Variants in TRPV1 observed in about 807,000 individuals in gnomAD.
TRPV1 encodes transient receptor potential cation channel subfamily V member 1.
A neutral mutation model predicts 82.3 loss-of-function variants in TRPV1; 82 were observed. The ratio of observed to expected loss-of-function variants is 1.00; its 90% confidence interval spans 0.83 to 1.20. TRPV1 has a LOEUF of 1.20. Ranked by LOEUF, TRPV1 falls within the 50% of genes most tolerant of loss-of-function variation. The pLI, the probability that TRPV1 is intolerant of heterozygous loss-of-function variation, is 0.00. For missense variants in TRPV1, 1,067 were observed against 1,096.8 expected (o/e 0.97, Z 0.38); for synonymous variants, 515 against 467.7 (o/e 1.10, Z -1.30).
At chr17:3,581,155 T>A (rs932265415) in intron 10 of TRPV1, among the ~76,000 whole-genome samples, 4 of 83,496 alleles carry the variant, frequency 4.8e-5, no homozygotes, top group Non-Finnish European at 9.6e-5. Context: ...TTTTTCCTAA[T>A]TTTTTTTTAA....
At position 3,576,668 on chromosome 17, in the gene TRPV1, AATAT is replaced by A. The variant is rs1555549458; in HGVS notation, c.1780+454_1780+457del. On this transcript the variant is annotated intron_variant, in intron 13 of 16. Transcript: ENST00000572705. ...CTCTGTATGAGAAAAAAAAAAAAAA[AATAT>A]ATATATATATATATATATGCATAAA... Among the ~76,000 whole-genome samples, 85 of 38,426 alleles carry A rather than the reference AATAT, an allele frequency of 2.2e-3. 6 individuals carry two copies. The East Asian group carries it at 0.11, about 49-fold the overall frequency. The allele number at this position is 38,426 out of a possible 152,430, so 25.2% of individuals were successfully genotyped here.
At chr17:3,586,493 C>T (rs538247815) in intron 8 of TRPV1, among the ~76,000 whole-genome samples, 23 of 152,190 alleles carry the variant, frequency 1.5e-4, no homozygotes, top group Non-Finnish European at 3.1e-4. Context: ...TCAAATAGGC[C>T]GGGTGTAGTG....
rs1350903385 is a variant in TRPV1 at position 3,579,416 on chromosome 17, T to A, written c.1547+1041A>T. On this transcript the variant is annotated intron_variant, in intron 11 of 16. Transcript: ENST00000572705. ...GTCCTGGAAGGCCCTCGGTGCACAC[T>A]GGGGCTTGAGGCTCTGGCTTACTTT... Among the ~76,000 whole-genome samples the A allele has an allele frequency of 9.9e-5, 15 of 152,072 alleles. No individual in the cohort carries two copies. In the East Asian group the frequency reaches 2.9e-3, roughly 29 times the overall value.
Position 3,576,690 on chromosome 17 carries a change from T to TATATATATATATATGC in TRPV1, c.1780+435_1780+436insGCATATATATATATAT, listed in dbSNP as rs71153375. 2.9e-5 allele frequency among the ~76,000 whole-genome samples: 3 copies of TATATATATATATATGC among 101,958 alleles called. 1 individual carries two copies. The highest frequency in any genetic ancestry group is 1.0e-4 in the African/African-American group (3 of 29,196). The allele number at this position is 101,958 out of a possible 152,430, so 66.9% of individuals were successfully genotyped here. On this transcript the variant is annotated intron_variant, in intron 13 of 16. Transcript: ENST00000572705. Reference sequence around the variant, plus strand: ...AAAAATATATATATATATATATATATGCATAAAAACTAGCCGGGCATGGTC... The same window carrying TATATATATATATATGC: ...AAAAATATATATATATATATATATATATATATATATATATGCGCATAAAAACTAGCCGGGCATGGTC...
chr17:3,584,656 C>T (rs2075062426), intron 9 of TRPV1, among the ~76,000 whole-genome samples: 1 of 151,872 alleles, frequency 6.6e-6, no homozygotes, highest in Non-Finnish European at 1.5e-5. Flanking sequence ...ATAAGCTTGG[C>T]ATGTTGGTGG....
rs1291839468 is a variant in TRPV1, at chr17:3,588,347, C to A, written c.1065G>T (p.Gln355His). ...TGCACTCGGGCTCCTGGATCTCCCG[C>A]TGGAGAATATAGGCCAAGACCTGCC... ...GKIGVLAYIL[Q>H]REIQEPECRH... Residue 355 changes from glutamine (Q) to histidine (H), a missense_variant, in exon 8 of 17, where the codon CAG becomes CAT. Gln to His is a conservative substitution (Grantham distance 24). Coordinates refer to ENST00000572705, the MANE Select transcript of TRPV1 (RefSeq NM_080704.4). The A allele has an allele frequency of 6.4e-7, 1 of 1,560,388 alleles. No homozygotes were observed. The highest frequency in any genetic ancestry group is 1.9e-5 in the Admixed American group (1 of 52,194).
intron 10 of TRPV1, among the ~76,000 whole-genome samples, chr17:3,582,933 C>T (rs985376662): frequency 2.2e-5 from 3 of 138,640 alleles, no homozygotes; most frequent in African/African-American, 5.1e-5. Flanking sequence ...GATGACAAAG[C>T]GAAACTCCAC....
chr17:3,586,526 C>T (rs2075086973), intron 8 of TRPV1, among the ~76,000 whole-genome samples: 1 of 152,234 alleles, frequency 6.6e-6, no homozygotes, highest in Non-Finnish European at 1.5e-5. Flanking sequence ...AATCCCAGCA[C>T]TCTGGGAGGC....
At chr17:3,601,640 A>G (rs1308180528) in intron 2 of TRPV1, 1 of 150,672 alleles carries the variant, frequency 6.6e-6, no homozygotes, top group Non-Finnish European at 1.5e-5. Context: ...TTGCATTGTC[A>G]CCCAATGCAA....
intron 2 of TRPV1, among the ~76,000 whole-genome samples, chr17:3,604,314 T>G (rs1016366381): frequency 6.6e-6 from 1 of 152,006 alleles, no homozygotes; most frequent in Non-Finnish European, 1.5e-5. Context: ...AAGAGAAAAA[T>G]AGGCCAGGCG....
intron 16 of TRPV1, among the ~76,000 whole-genome samples, 176 bp from the exon 17 acceptor site, chr17:3,567,163 G>C (rs2074775504): frequency 6.7e-6 from 1 of 148,894 alleles, no homozygotes; most frequent in African/African-American, 2.5e-5. Context: ...TTCAAGACCA[G>C]CCCGGACAAC....
At position 3,585,829 on chromosome 17, in the gene TRPV1, A is replaced by C. The variant is rs1208704835; in HGVS notation, c.1322T>G (p.Val441Gly). The change falls in exon 9 of 17, where the codon GTC becomes GGC. Residue 441 changes from valine to glycine, a missense_variant. Coordinates refer to ENST00000572705, the MANE Select transcript of TRPV1 (RefSeq NM_080704.4). ...VKRIFYFNFL[V>G]YCLYMIIFTM... ...GAAGATGATCATGTACAGGCAGTAG[A>C]CCAGGAAGTTGAAGTAGAAGATGCG... 1 of 1,613,920 alleles carries C rather than the reference A, an allele frequency of 6.2e-7. No homozygotes were observed. The highest frequency in any genetic ancestry group is 1.7e-5 in the Admixed American group (1 of 59,996).
chr17:3,601,892 C>G (rs1358394939), intron 2 of TRPV1: 1 of 152,086 alleles, frequency 6.6e-6, no homozygotes, highest in Non-Finnish European at 1.5e-5. Flanking sequence ...CCACGCCCAA[C>G]TCCAGAAGTG....
intron 14 of TRPV1, 104 bp from the exon 15 acceptor site, chr17:3,572,353 G>C (rs2074866474): frequency 1.4e-6 from 2 of 1,413,822 alleles, no homozygotes; most frequent in Non-Finnish European, 1.9e-6. Context: ...CCCAGGCCTA[G>C]ATGCCTCCAG....
chr17:3,590,991 C>A lies in TRPV1; in HGVS notation c.577G>T (p.Ala193Ser). The A allele has an allele frequency of 3.1e-6, 5 of 1,608,856 alleles. No individual in the cohort carries two copies. The highest frequency in any genetic ancestry group is 1.7e-5 in the Admixed American group (1 of 59,254). ...QTDSLKELVN[A>S]SYTDSYYKGQ... ...TTGTAGTAGCTGTCCGTGTAGCTGGCGTTGACAAGCTCCTTCAGGCTGTCC... is the reference window on the plus strand; with the variant it reads ...TTGTAGTAGCTGTCCGTGTAGCTGGAGTTGACAAGCTCCTTCAGGCTGTCC... The change falls in exon 5 of 17, where the codon GCC (alanine) becomes TCC (serine). Residue 193 changes from alanine to serine, a missense_variant. Ala to Ser is a moderately conservative substitution (Grantham distance 99). Coordinates refer to ENST00000572705, the MANE Select transcript of TRPV1 (RefSeq NM_080704.4).
At chr17:3,597,273 G>A (rs1294149994) in intron 2 of TRPV1, among the ~76,000 whole-genome samples, 1 of 152,230 alleles carries the variant, frequency 6.6e-6, no homozygotes, top group Non-Finnish European at 1.5e-5. Context: ...GCCAGCCAGA[G>A]CTGCAACCTC....
At chr17:3,582,502 A>C (rs141549184) in intron 10 of TRPV1, among the ~76,000 whole-genome samples, 32 of 152,270 alleles carry the variant, frequency 2.1e-4, no homozygotes, top group African/African-American at 7.5e-4. Flanking sequence ...TTCTTTAAAG[A>C]AGCTGAAACT....
chr17:3,579,249 C>T (rs553882202), intron 11 of TRPV1, among the ~76,000 whole-genome samples: 1 of 151,860 alleles, frequency 6.6e-6, no homozygotes, highest in Non-Finnish European at 1.5e-5. Context: ...TTTTACTTGT[C>T]CAAAAAAAAA....
chr17:3,602,338 G>A (rs2075269512), intron 2 of TRPV1: 1 of 152,228 alleles, frequency 6.6e-6, no homozygotes, highest in Non-Finnish European at 1.5e-5. Context: ...CAGCACTCAG[G>A]AAACGTTTGT....
Sources: allele counts gnomAD v4.1 joint callset (sites outside exome capture counted in the v4.1 genomes callset), GRCh38; gene constraint gnomAD v4.1.1; transcripts MANE v1.5; gene names NCBI Gene and HGNC (gene_info 2026-07-23, HGNC 2026-07-21).